Variants in DNAH14 observed in about 807,000 individuals in gnomAD.
The protein encoded by DNAH14 is axonemal beta dynein heavy chain 14.
A neutral mutation model predicts 520.9 loss-of-function variants in DNAH14; 478 were observed. The observed-to-expected ratio is 0.92, with a 90% CI of 0.85 to 0.99. The LOEUF (loss-of-function observed/expected upper bound fraction) is 0.99, where lower values mean the gene tolerates loss of function less well. Among genes scored for constraint, DNAH14 ranks in the 50% least tolerant of loss-of-function variants. The pLI is 0.00. For missense variants in DNAH14, 4,831 were observed against 5,234.5 expected, an observed-to-expected ratio of 0.92 and a Z score of 2.38; for synonymous variants, 1,581 against 1,757.2, an observed-to-expected ratio of 0.90 and a Z score of 2.51.
intron 65 of DNAH14, among the ~76,000 whole-genome samples, chr1:225,333,013 A>G (rs1197767670): frequency 6.6e-6 from 1 of 152,096 alleles, no homozygotes; most frequent in Non-Finnish European, 1.5e-5. Context: ...TCTAAAAGAA[A>G]AAAAAATTGT....
chr1:224,994,510 C>T (rs1210519307), intron 8 of DNAH14, among the ~76,000 whole-genome samples: 1 of 151,694 alleles, frequency 6.6e-6, no homozygotes, highest in African/African-American at 2.4e-5. Flanking sequence ...TTTTTCTTTC[C>T]ATTTGTGTGG....
intron 11 of DNAH14, 105 bp from the exon 12 acceptor site, chr1:225,038,589 G>A: frequency 8.3e-7 from 1 of 1,203,752 alleles, no homozygotes; most frequent in Non-Finnish European, 1.1e-6. Flanking sequence ...TCCTTTGCCT[G>A]TTTTTTAATT....
intron 22 of DNAH14, among the ~76,000 whole-genome samples, chr1:225,097,813 A>C (rs1170288368): frequency 6.6e-6 from 1 of 152,090 alleles, no homozygotes; most frequent in Non-Finnish European, 1.5e-5. Context: ...TAATCCCAAA[A>C]CTACAATATT....
chr1:225,154,547 A>G (rs1276702100), intron 34 of DNAH14, among the ~76,000 whole-genome samples: 1 of 152,130 alleles, frequency 6.6e-6, no homozygotes, highest in Non-Finnish European at 1.5e-5. Flanking sequence ...TATAGAAAAT[A>G]GAACTATATG....
At chr1:224,937,770 A>G (rs1452345894) in intron 1 of DNAH14, among the ~76,000 whole-genome samples, 1 of 152,010 alleles carries the variant, frequency 6.6e-6, no homozygotes, top group African/African-American at 2.4e-5. Flanking sequence ...GAACAAAGCT[A>G]GAGACATCAC....
chr1:224,984,811 A>T (rs1205533278), intron 8 of DNAH14, among the ~76,000 whole-genome samples: 2 of 152,222 alleles, frequency 1.3e-5, no homozygotes. Flanking sequence ...GGCTAAGGAC[A>T]TAAATAGAAA....
intron 1 of DNAH14, among the ~76,000 whole-genome samples, chr1:224,951,215 G>A (rs925996573): frequency 3.9e-5 from 6 of 151,998 alleles, no homozygotes; most frequent in Admixed American, 6.6e-5. Context: ...TAGTAGAGGC[G>A]GGGTTTTGCC....
chr1:224,953,021 G>A (rs2060274863), intron 2 of DNAH14: 1 of 280,270 alleles, frequency 3.6e-6, no homozygotes, highest in African/African-American at 2.2e-5. Context: ...AAGTGAGAAG[G>A]AGGTTGTTGG....
At chr1:225,120,487 C>T (rs911811514) in intron 26 of DNAH14, among the ~76,000 whole-genome samples, 29 of 152,184 alleles carry the variant, frequency 1.9e-4, no homozygotes, top group African/African-American at 7.0e-4. Context: ...GCAGACTGGT[C>T]CCCAGGCAAG....
At chr1:225,020,122 A>G (rs1243269938) in intron 10 of DNAH14, among the ~76,000 whole-genome samples, 2 of 152,094 alleles carry the variant, frequency 1.3e-5, no homozygotes, top group South Asian at 2.1e-4. Flanking sequence ...CTAGATTTAT[A>G]AGGAAAAAAA....
intron 69 of DNAH14, among the ~76,000 whole-genome samples, chr1:225,343,319 A>C (rs1395717590): frequency 6.6e-6 from 1 of 152,194 alleles, no homozygotes; most frequent in African/African-American, 2.4e-5. Context: ...TATGGCATAC[A>C]ACTGCCTTAG....
chr1:225,346,269 A>T lies in DNAH14; in HGVS notation c.10986A>T (p.Glu3662Asp), dbSNP rs2095284772. Residue 3662 changes from glutamate to aspartate, a missense_variant, in exon 70 of 86, where the codon GAA becomes GAT. Coordinates refer to ENST00000682510, the MANE Select transcript of DNAH14 (RefSeq NM_001367479.1). ...AAAGGGAGAAAGTGTCTCCAAAAGA[A>T]GTTCATGAGTTTATAAGTATTTCAA... The part of the protein sequence containing the change: ...SFKREKVSPK[E>D]VHEFISISKE... The T allele has an allele frequency of 1.9e-6, 3 of 1,551,206 alleles. No individual in the cohort carries two copies. In the African/African-American group the frequency reaches 4.1e-5, roughly 21 times the overall value.
intron 27 of DNAH14, among the ~76,000 whole-genome samples, chr1:225,136,580 TA>T (rs1260096143): frequency 6.6e-6 from 1 of 152,126 alleles, no homozygotes; most frequent in African/African-American, 2.4e-5. Context: ...CTGGTTGCCT[TA>T]ATTTTTTCTT....
At chr1:224,938,684 T>C (rs556406466) in intron 1 of DNAH14, among the ~76,000 whole-genome samples, 1 of 152,358 alleles carries the variant, frequency 6.6e-6, no homozygotes, top group South Asian at 2.1e-4. Flanking sequence ...GCAATTCCAC[T>C]ACTGATTATA....
intron 73 of DNAH14, among the ~76,000 whole-genome samples, chr1:225,356,571 T>G (rs1017248352): frequency 1.3e-5 from 2 of 152,222 alleles, no homozygotes; most frequent in Non-Finnish European, 2.9e-5. Context: ...ATTTAAGCTA[T>G]ATTAATTGAC....
intron 84 of DNAH14, 91 bp downstream of exon 84, chr1:225,392,542 A>T (rs1387015448): frequency 8.9e-6 from 13 of 1,455,344 alleles, no homozygotes; most frequent in Admixed American, 2.2e-5. Flanking sequence ...ACCTTTACTC[A>T]GCACTTACCA....
intron 27 of DNAH14, among the ~76,000 whole-genome samples, chr1:225,132,745 T>A (rs2078556359): frequency 6.6e-6 from 1 of 152,208 alleles, no homozygotes; most frequent in Non-Finnish European, 1.5e-5. Context: ...AGTAATGGGA[T>A]TGCTGGATCA....
At chr1:224,953,125 A>T (rs901233439) in intron 2 of DNAH14, 3 of 146,568 alleles carry the variant, frequency 2.0e-5, no homozygotes, top group African/African-American at 3.3e-5. Flanking sequence ...GATACATAGA[A>T]ATACTTTTTT....
chr1:225,056,905 C>T (rs1030218760), intron 17 of DNAH14, among the ~76,000 whole-genome samples: 1 of 152,138 alleles, frequency 6.6e-6, no homozygotes, highest in South Asian at 2.1e-4. Flanking sequence ...TGTTTTGGTA[C>T]CAGTACCATG....
Sources: allele counts gnomAD v4.1 joint callset (sites outside exome capture counted in the v4.1 genomes callset), GRCh38; gene constraint gnomAD v4.1.1; transcripts MANE v1.5; gene names NCBI Gene and HGNC (gene_info 2026-07-23, HGNC 2026-07-21).